Variants in RAB11FIP1 observed in about 807,000 individuals in gnomAD.
RAB11FIP1 encodes the protein rab11 family-interacting protein 1.
In RAB11FIP1, 49 loss-of-function variants were observed where a neutral mutation model predicts 83.1. The observed-to-expected ratio is 0.59, with a 90% CI of 0.47 to 0.75. The LOEUF is 0.75. RAB11FIP1 is among the 30% of genes least tolerant of loss of function. The pLI is 0.00. For synonymous variants in RAB11FIP1, 670 were observed against 656.0 expected, an observed-to-expected ratio of 1.02 and a Z score of -0.33; for missense variants, 1,536 against 1,598.7, an observed-to-expected ratio of 0.96 and a Z score of 0.67.
At chr8:37,869,744 CAG>C (rs1450418023) in intron 5 of RAB11FIP1, among the ~76,000 whole-genome samples, 1 of 152,000 alleles carries the variant, frequency 6.6e-6, no homozygotes, top group Non-Finnish European at 1.5e-5. Flanking sequence ...TGTGTATATC[CAG>C]AAAGAGAGAA....
chr8:37,864,805 G>T (rs915780196), intron 5 of RAB11FIP1, among the ~76,000 whole-genome samples: 1 of 152,120 alleles, frequency 6.6e-6, no homozygotes, highest in Non-Finnish European at 1.5e-5. Flanking sequence ...ATGCATTCAC[G>T]ATGCACCTCC....
Position 37,877,174 on chromosome 8 carries a change from G to C in RAB11FIP1, c.749C>G (p.Pro250Arg). 6.2e-7 allele frequency: 1 copy of C among 1,614,122 alleles called. No homozygotes were observed. ...TSKPEKVLLRPGDFQSQWDED... is the reference protein window; with the variant it reads ...TSKPEKVLLRRGDFQSQWDED... ...ATCCCACTGGGACTGAAAGTCTCCG[G>C]GACGAAGCAGCACTTTTTCTGGCTT... Residue 250 changes from proline to arginine, a missense_variant, in exon 2 of 6, where the codon CCC becomes CGC. Pro to Arg is a moderately radical substitution (Grantham distance 103). Transcript: ENST00000330843.
intron 4 of RAB11FIP1, chr8:37,870,851 C>A: frequency 3.3e-6 from 1 of 298,944 alleles, no homozygotes; most frequent in Non-Finnish European, 6.2e-6. Flanking sequence ...TAGGCATTCA[C>A]TGTAAAACTC....
chr8:37,868,190 G>A (rs1417132438), intron 5 of RAB11FIP1, among the ~76,000 whole-genome samples: 1 of 152,168 alleles, frequency 6.6e-6, no homozygotes, highest in Non-Finnish European at 1.5e-5. Flanking sequence ...TGGAGGCTGA[G>A]GCGGGTGGAT....
Position 37,877,422 on chromosome 8 carries a change from C to T in RAB11FIP1, c.501G>A (p.Arg167=), listed in dbSNP as rs1806640913. 1 of 1,614,130 alleles carries T rather than the reference C, an allele frequency of 6.2e-7. No individual in the cohort carries two copies. The highest frequency in any genetic ancestry group is 1.3e-5 in the African/African-American group (1 of 75,014). Residue 167 remains arginine (R), a synonymous_variant, in exon 2 of 6, where the codon CGG becomes CGA. Coordinates refer to ENST00000330843, the MANE Select transcript of RAB11FIP1 (RefSeq NM_001002814.3). Reference sequence around the variant, plus strand: ...TGTCCTTCAGCTTTCCAAATGGATTCCGAGACTTGTCTTTCATAGAAAGGT... The same window carrying T: ...TGTCCTTCAGCTTTCCAAATGGATTTCGAGACTTGTCTTTCATAGAAAGGT... ...MFDLSMKDKS[R]NPFGKLKDKI... is the part of the protein sequence containing the mutation.
chr8:37,897,964 T>C lies in RAB11FIP1; in HGVS notation c.371+1107A>G, dbSNP rs185717022. Among the ~76,000 whole-genome samples, 96 of 152,340 alleles carry C rather than the reference T, an allele frequency of 6.3e-4. 1 individual carries two copies. The East Asian group carries it at 0.017, about 27-fold the overall frequency. On this transcript the variant is annotated intron_variant, in intron 1 of 5. Transcript: ENST00000330843. ...AGGCGTTGCGCCCGGGGTTAGCCTT[T>C]AGGGTGGGGGTGTCAGCTGGTTTCA... is the stretch of plus-strand genomic sequence containing the variant.
intron 4 of RAB11FIP1, 93 bp downstream of exon 4, chr8:37,871,185 C>T (rs1186366486): frequency 2.0e-5 from 30 of 1,483,300 alleles, no homozygotes; most frequent in Admixed American, 5.1e-5. Flanking sequence ...TCACATCAGA[C>T]GTCTGTGTGG....
intron 5 of RAB11FIP1, 77 bp from the exon 6 acceptor site, chr8:37,863,190 A>C: frequency 9.1e-7 from 1 of 1,104,254 alleles, no homozygotes; most frequent in Non-Finnish European, 1.3e-6. Flanking sequence ...AAGAAGTACA[A>C]AGGAGGAAAA....
chr8:37,884,742 T>C (rs1484129970), intron 1 of RAB11FIP1, among the ~76,000 whole-genome samples: 1 of 152,042 alleles, frequency 6.6e-6, no homozygotes, highest in Non-Finnish European at 1.5e-5. Context: ...AGAGACAGGG[T>C]TTCACCATGT....
At position 37,899,402 on chromosome 8, in the gene RAB11FIP1, C is replaced by A. The variant is rs1807172615; in HGVS notation, c.40G>T (p.Val14Leu). 6.3e-7 allele frequency: 1 copy of A among 1,590,786 alleles called. No individual in the cohort carries two copies. The highest frequency in any genetic ancestry group is 1.7e-5 in the Admixed American group (1 of 57,600). ...MVSAGRGLGA[V>L]WSPTHVQVTV... ...ACCTGCACGTGGGTTGGGGACCACACGGCCCCCAGGCCCCGGCCAGCCGAG... is the reference window on the plus strand; with the variant it reads ...ACCTGCACGTGGGTTGGGGACCACAAGGCCCCCAGGCCCCGGCCAGCCGAG... Residue 14 changes from valine (V) to leucine (L), a missense_variant, in exon 1 of 6, where the codon GTG (valine) becomes TTG (leucine). By Grantham distance (32) the Val-to-Leu change is conservative. Transcript: ENST00000330843. The surrounding 1 kb of genome is among the most constrained non-coding windows in gnomAD (Gnocchi z 4.5).
intron 1 of RAB11FIP1, among the ~76,000 whole-genome samples, chr8:37,898,261 A>C (rs2130209100): frequency 6.6e-6 from 1 of 152,282 alleles, no homozygotes; most frequent in South Asian, 2.1e-4. Context: ...CTGTAATCCC[A>C]ATACTTTGGG....
chr8:37,882,453 T>C (rs1380901727), intron 1 of RAB11FIP1, among the ~76,000 whole-genome samples: 4 of 152,214 alleles, frequency 2.6e-5, no homozygotes, highest in Admixed American at 6.5e-5. Context: ...TCACAAAATA[T>C]AGTAATTAAG....
chr8:37,891,126 G>T (rs1806939734), intron 1 of RAB11FIP1, among the ~76,000 whole-genome samples: 1 of 152,174 alleles, frequency 6.6e-6, no homozygotes, highest in African/African-American at 2.4e-5. Flanking sequence ...TCTGAACCAG[G>T]ACATCTTATG....
At chr8:37,876,251 AAGGAAGGAAGG>A (rs1563369856) in intron 2 of RAB11FIP1, among the ~76,000 whole-genome samples, 2,060 of 151,106 alleles carry the variant, frequency 0.014, 47 homozygotes, top group African/African-American at 0.048. Flanking sequence ...GGAAGGAAGG[AAGGAAGGAAGG>A]AAGAAAGAAG....
In RAB11FIP1 at chr8:37,875,103, G is replaced by A. The variant is rs753891803; in HGVS notation, c.1034C>T (p.Ser345Phe). The A allele has an allele frequency of 6.2e-6, 10 of 1,614,172 alleles. No individual in the cohort carries two copies. The highest frequency in any genetic ancestry group is 5.5e-5 in the South Asian group (5 of 91,070). The change falls in exon 3 of 6, where the codon TCC becomes TTC. Residue 345 changes from serine (S) to phenylalanine (F), a missense_variant. Physicochemically the swap from Ser to Phe is radical, Grantham distance 155. Coordinates refer to ENST00000330843, the MANE Select transcript of RAB11FIP1 (RefSeq NM_001002814.3). ...ATGCTTCTTTCTGAAGCCCTTGGGG[G>A]ATGGGGAGGAGGACGGGCTGCTATC... ...IKDSSPSSSPSPKGFRKKHLF... is the reference protein window; with the variant it reads ...IKDSSPSSSPFPKGFRKKHLF...
intron 4 of RAB11FIP1, chr8:37,871,066 A>G (rs752012654): frequency 1.7e-6 from 1 of 579,166 alleles, no homozygotes; most frequent in South Asian, 2.5e-5. Context: ...ACAATTCCTA[A>G]GCTATATTTA....
chr8:37,895,486 T>C (rs1283622980), intron 1 of RAB11FIP1, among the ~76,000 whole-genome samples: 1 of 150,062 alleles, frequency 6.7e-6, no homozygotes, highest in Non-Finnish European at 1.5e-5. Context: ...TCCCTCATAT[T>C]GGTCACCCGA....
intron 1 of RAB11FIP1, among the ~76,000 whole-genome samples, chr8:37,891,307 T>C (rs1806943060): frequency 6.6e-6 from 1 of 152,162 alleles, no homozygotes; most frequent in South Asian, 2.1e-4. Context: ...CTCTCTCTAT[T>C]CAAGGCTAGA....
chr8:37,867,408 CAAAG>C (rs1233137653), intron 5 of RAB11FIP1, among the ~76,000 whole-genome samples: 1 of 152,148 alleles, frequency 6.6e-6, no homozygotes, highest in African/African-American at 2.4e-5. Context: ...ATGTGTCCTA[CAAAG>C]AAAGAGTGGG....
Sources: allele counts gnomAD v4.1 joint callset (sites outside exome capture counted in the v4.1 genomes callset), GRCh38; gene constraint gnomAD v4.1.1; non-coding constraint Gnocchi (gnomAD v3.1); transcripts MANE v1.5; gene names NCBI Gene and HGNC (gene_info 2026-07-23, HGNC 2026-07-21).